Variants in KLHL1 observed in about 807,000 individuals in gnomAD.
KLHL1 encodes the protein kelch-like protein 1.
A neutral mutation model predicts 77.7 loss-of-function variants in KLHL1; 47 were observed. The ratio of observed to expected loss-of-function variants is 0.60; its 90% CI spans 0.48 to 0.77. The LOEUF is 0.77. Ranked by LOEUF, KLHL1 falls within the 30% of genes least tolerant of loss-of-function variation. The probability of loss-of-function intolerance (pLI) is 0.00; values close to 1 mark genes in which losing one functional copy is unlikely to be tolerated. For synonymous variants in KLHL1, 360 were observed against 325.2 expected (o/e 1.11, Z -1.15); for missense variants, 925 against 910.8 (o/e 1.02, Z -0.20).
intron 1 of KLHL1, among the ~76,000 whole-genome samples, chr13:70,023,872 A>G (rs773677820): frequency 2.6e-5 from 4 of 151,894 alleles, no homozygotes; most frequent in Non-Finnish European, 5.9e-5. Flanking sequence ...GTGTCATAAC[A>G]TGTTGGGTTG....
rs143224134 is a variant in KLHL1 at position 69,972,272 on chromosome 13, A to G, written c.680+3348T>C. ...CATTTCAATTGTCACTTTAGCCTCAACTGTCTACATACTAGTGCACTATAA... is the reference window on the plus strand; with the variant it reads ...CATTTCAATTGTCACTTTAGCCTCAGCTGTCTACATACTAGTGCACTATAA... On this transcript the variant is annotated intron_variant, in intron 2 of 10. Transcript: ENST00000377844. Among the ~76,000 whole-genome samples the G allele has an allele frequency of 2.6e-3, 389 of 152,078 alleles. 6 individuals are homozygous for G. The highest frequency in any genetic ancestry group is 3.4e-3 in the Admixed American group (52 of 15,236).
At chr13:69,786,240 T>C (rs1043010173) in intron 7 of KLHL1, among the ~76,000 whole-genome samples, 1 of 152,156 alleles carries the variant, frequency 6.6e-6, no homozygotes, top group African/African-American at 2.4e-5. Context: ...TTGATGAACA[T>C]TGATGCAAAA....
intron 8 of KLHL1, among the ~76,000 whole-genome samples, chr13:69,732,012 C>A (rs1225413263): frequency 2.6e-5 from 4 of 151,892 alleles, no homozygotes; most frequent in Non-Finnish European, 5.9e-5. Context: ...AAAGACTTGA[C>A]AGATACAAGA....
At chr13:69,749,676 A>G (rs1874385886) in intron 7 of KLHL1, among the ~76,000 whole-genome samples, 1 of 151,998 alleles carries the variant, frequency 6.6e-6, no homozygotes, top group African/African-American at 2.4e-5. Flanking sequence ...GCCTTCGAAT[A>G]TGGAGAAGGA....
chr13:70,052,209 T>C (rs1204475643), intron 1 of KLHL1, among the ~76,000 whole-genome samples: 1 of 151,978 alleles, frequency 6.6e-6, no homozygotes, highest in Non-Finnish European at 1.5e-5. Flanking sequence ...GAAGCCACAA[T>C]GGTAATATGA....
chr13:69,909,275 T>C lies in KLHL1; in HGVS notation c.1015-26780A>G, dbSNP rs566721148. Among the ~76,000 whole-genome samples the C allele has an allele frequency of 2.2e-3, 341 of 151,996 alleles. 2 individuals are homozygous for C. The highest frequency in any genetic ancestry group is 3.0e-3 in the Admixed American group (45 of 15,244). ...ACTTTATGGCAAAGCTTGCACAGAA[T>C]AAGCACACTTACAGATGCAGAGAGG... On this transcript the variant is annotated intron_variant, in intron 4 of 10. Transcript: ENST00000377844.
intron 10 of KLHL1, among the ~76,000 whole-genome samples, chr13:69,702,543 T>TA (rs1179012158): frequency 6.6e-6 from 1 of 151,632 alleles, no homozygotes; most frequent in Non-Finnish European, 1.5e-5. Context: ...AGAAAGTGTA[T>TA]AAAATGTAAG....
chr13:69,895,862 A>T (rs1465186774), intron 4 of KLHL1, among the ~76,000 whole-genome samples: 1 of 151,990 alleles, frequency 6.6e-6, no homozygotes, highest in African/African-American at 2.4e-5. Flanking sequence ...GTGCACCACC[A>T]TGCCTGGCTA....
At chr13:70,104,552 A>T (rs891976677) in intron 1 of KLHL1, among the ~76,000 whole-genome samples, 2 of 152,168 alleles carry the variant, frequency 1.3e-5, no homozygotes, top group Non-Finnish European at 2.9e-5. Context: ...GAATAAAGAG[A>T]AGATCAATAA....
chr13:70,019,948 A>C (rs560498014), intron 1 of KLHL1, among the ~76,000 whole-genome samples: 14 of 151,762 alleles, frequency 9.2e-5, no homozygotes, highest in African/African-American at 3.4e-4. Context: ...GAGTGAATTA[A>C]CTCTCTTCTG....
chr13:69,955,805 C>A (rs1018706930), intron 3 of KLHL1, among the ~76,000 whole-genome samples: 2 of 147,996 alleles, frequency 1.4e-5, no homozygotes, highest in African/African-American at 4.9e-5. Context: ...CAAGTGGATT[C>A]AAAATCAATA....
intron 7 of KLHL1, among the ~76,000 whole-genome samples, chr13:69,766,476 A>G (rs935457944): frequency 6.7e-6 from 1 of 149,752 alleles, no homozygotes; most frequent in Non-Finnish European, 1.5e-5. Flanking sequence ...ATTTTTATAT[A>G]TATATACATA....
intron 3 of KLHL1, among the ~76,000 whole-genome samples, chr13:69,946,667 T>C (rs1039348606): frequency 2.0e-5 from 3 of 152,010 alleles, no homozygotes; most frequent in African/African-American, 7.2e-5. Flanking sequence ...CATGCACCAC[T>C]AGGTTCAGCT....
At chr13:69,718,734 T>C (rs1872889688) in intron 9 of KLHL1, among the ~76,000 whole-genome samples, 1 of 152,118 alleles carries the variant, frequency 6.6e-6, no homozygotes, top group African/African-American at 2.4e-5. Flanking sequence ...AGTCTCTGCA[T>C]AGTATTCCTA....
chr13:70,038,691 A>G (rs191864827), intron 1 of KLHL1, among the ~76,000 whole-genome samples: 2,420 of 147,988 alleles, frequency 0.016, 37 homozygotes, highest in Non-Finnish European at 0.028. Flanking sequence ...CCCGGGTACA[A>G]GTGAGTCTCC....
intron 6 of KLHL1, among the ~76,000 whole-genome samples, chr13:69,829,587 A>G (rs1878680925): frequency 6.7e-6 from 1 of 150,184 alleles, no homozygotes; most frequent in Non-Finnish European, 1.5e-5. Context: ...CCAAACCAAG[A>G]AGAAATCTCT....
intron 1 of KLHL1, among the ~76,000 whole-genome samples, chr13:70,064,634 C>G (rs1181388726): frequency 6.6e-6 from 1 of 152,076 alleles, no homozygotes; most frequent in Non-Finnish European, 1.5e-5. Flanking sequence ...GAGACTATTG[C>G]CTACCGTTGT....
At chr13:69,925,245 C>T (rs1005731335) in intron 4 of KLHL1, among the ~76,000 whole-genome samples, 1 of 152,180 alleles carries the variant, frequency 6.6e-6, no homozygotes, top group Non-Finnish European at 1.5e-5. Flanking sequence ...AGCTCCAACA[C>T]TCATTGAGCA....
chr13:69,776,111 G>A (rs575002587), intron 7 of KLHL1, among the ~76,000 whole-genome samples: 14 of 150,758 alleles, frequency 9.3e-5, no homozygotes, highest in Non-Finnish European at 1.5e-4. Flanking sequence ...AGCTGAGATC[G>A]CACCACTGCA....
Sources: gnomAD v4.1 joint callset for allele counts (sites outside exome capture counted in the v4.1 genomes callset) on GRCh38, gnomAD v4.1.1 for gene constraint, MANE v1.5 for transcripts, NCBI Gene and HGNC (gene_info 2026-07-23, HGNC 2026-07-21) for gene names.